The following WIPF1 variants were observed in gnomAD, a reference collection of about 807,000 sequenced individuals.
WIPF1 encodes the protein WAS/WASL interacting protein family member 1.
WIPF1 carries 13 observed loss-of-function variants against 35.4 expected under a neutral mutation model. The ratio of observed to expected loss-of-function variants is 0.37; its 90% CI spans 0.24 to 0.58. The LOEUF is 0.58. WIPF1 is among the 20% of genes least tolerant of loss of function. WIPF1 has a pLI of 0.74. For missense variants in WIPF1, 591 were observed against 667.0 expected (o/e 0.89, Z 1.25); for synonymous variants, 267 against 266.3 (o/e 1.00, Z -0.02).
chr2:174,571,288 C>T lies in WIPF1; in HGVS notation c.1129+388G>A, dbSNP rs1684823261. ...AGAACTTCCCCTCTTGTTGGAATAA[C>T]AGAGCCCTCCTGCGGGAGGTGGGGA... On this transcript the variant is annotated intron_variant, in intron 5 of 7. Coordinates refer to ENST00000679041, the MANE Select transcript of WIPF1 (RefSeq NM_001375834.1). This position sits in a 1 kb window ranked among gnomAD's most constrained non-coding sequence, Gnocchi z 4.6. 2 of 448,044 alleles carry T rather than the reference C, an allele frequency of 4.5e-6. No individual in the cohort carries two copies. The highest frequency in any genetic ancestry group is 4.1e-5 in the Admixed American group (1 of 24,576). The allele number at this position is 448,044 out of a possible 1,614,324, so 27.8% of individuals were successfully genotyped here.
chr2:174,616,796 C>A (rs531683979), intron 1 of WIPF1, among the ~76,000 whole-genome samples: 1 of 152,206 alleles, frequency 6.6e-6, no homozygotes, highest in African/African-American at 2.4e-5. Context: ...TTTTTATTTT[C>A]AAATAACTTT....
chr2:174,591,842 A>C (rs142762385), intron 1 of WIPF1, among the ~76,000 whole-genome samples: 70 of 152,332 alleles, frequency 4.6e-4, no homozygotes, highest in African/African-American at 1.6e-3. Context: ...CACTGATCCC[A>C]GATCAACTAG....
At chr2:174,627,622 C>T (rs968696898) in intron 1 of WIPF1, among the ~76,000 whole-genome samples, 1 of 151,674 alleles carries the variant, frequency 6.6e-6, no homozygotes, top group Non-Finnish European at 1.5e-5. Context: ...CTCACTGCAG[C>T]CTTGACCTTG....
chr2:174,585,709 C>T (rs181882504), intron 1 of WIPF1, 98 bp from the exon 2 acceptor site: 327 of 831,648 alleles, frequency 3.9e-4, no homozygotes, highest in Middle Eastern at 2.9e-4. Context: ...CTCCACCTAG[C>T]TCAACTCTTA....
Position 174,562,174 on chromosome 2 carries a change from G to C in WIPF1, c.*373C>G, listed in dbSNP as rs771280063. 2.6e-6 allele frequency: 4 copies of C among 1,550,442 alleles called. No individual in the cohort carries two copies. In the South Asian group the frequency reaches 4.8e-5, roughly 18 times the overall value. On this transcript the variant is annotated 3_prime_UTR_variant, in exon 8 of 8. Transcript: ENST00000679041. ...GAGGCCAAGCATGCGAAAAAGGAAC[G>C]GGAGAAAACAGCTCTCAGGGACTTT... is the stretch of plus-strand genomic sequence containing the variant.
chr2:174,570,052 T>C (rs1034265824), intron 5 of WIPF1, among the ~76,000 whole-genome samples: 1 of 152,192 alleles, frequency 6.6e-6, no homozygotes, highest in Admixed American at 6.6e-5. Context: ...AATACAGAGA[T>C]GTGTACACAT....
In WIPF1 at chr2:174,585,631, A is replaced by T; in HGVS notation, c.-38-20T>A. On this transcript the variant is annotated intron_variant, in intron 1 of 7. Coordinates refer to ENST00000679041, the MANE Select transcript of WIPF1 (RefSeq NM_001375834.1). Reference sequence around the variant, plus strand: ...ATAAATCTGGAAAAACAAGAATGCGATCATGTATTAGATGTAATCTTAGTA... The same window carrying T: ...ATAAATCTGGAAAAACAAGAATGCGTTCATGTATTAGATGTAATCTTAGTA... The T allele has an allele frequency of 6.6e-7, 1 of 1,519,948 alleles. No individual in the cohort carries two copies. The allele number at this position is 1,519,948 out of a possible 1,614,324, so 94.2% of individuals were successfully genotyped here. A position where few individuals can be genotyped will look rare whatever the true frequency, so the allele number is the denominator to read the frequency against.
At chr2:174,598,297 T>C (rs1221180533), upstream of WIPF1, 1 of 152,058 alleles carries the variant, frequency 6.6e-6, no homozygotes, top group Non-Finnish European at 1.5e-5. Flanking sequence ...TGAGGTTCTT[T>C]TTTTGGTTTT....
At chr2:174,606,581 A>G (rs1042678309) in intron 1 of WIPF1, among the ~76,000 whole-genome samples, 1 of 152,140 alleles carries the variant, frequency 6.6e-6, no homozygotes, top group Non-Finnish European at 1.5e-5. Context: ...ATGTTCAATC[A>G]ATGTCAGTCC....
chr2:174,596,890 A>C (rs1488811600), intron 1 of WIPF1, among the ~76,000 whole-genome samples: 1 of 152,224 alleles, frequency 6.6e-6, no homozygotes, highest in Non-Finnish European at 1.5e-5. Flanking sequence ...TTTTAATGTA[A>C]AAAGTTTCCT....
exon 1 of WIPF1, chr2:174,682,791 C>G (rs1393121926): frequency 2.0e-5 from 3 of 151,636 alleles, no homozygotes; most frequent in African/African-American, 4.8e-5. Flanking sequence ...CGGCTCCGGA[C>G]GACTCCGCAG....
At chr2:174,654,786 A>C (rs1687608098) in intron 1 of WIPF1, among the ~76,000 whole-genome samples, 1 of 152,074 alleles carries the variant, frequency 6.6e-6, no homozygotes, top group African/African-American at 2.4e-5. Context: ...TGCTCTCTGC[A>C]ACCCACCAAC....
intron 1 of WIPF1, among the ~76,000 whole-genome samples, chr2:174,607,320 G>A (rs1686200336): frequency 6.6e-6 from 1 of 152,008 alleles, no homozygotes; most frequent in Non-Finnish European, 1.5e-5. Flanking sequence ...GGAGAATGGA[G>A]TGAACCCAGG....
chr2:174,579,942 A>T (rs549126830), intron 3 of WIPF1, among the ~76,000 whole-genome samples: 1 of 152,058 alleles, frequency 6.6e-6, no homozygotes, highest in East Asian at 1.9e-4. Flanking sequence ...GTCAAGAGTT[A>T]AATACCTTAG....
In WIPF1 at chr2:174,562,132, T is replaced by C; in HGVS notation, c.*415A>G. The C allele has an allele frequency of 6.4e-7, 1 of 1,550,556 alleles. No homozygotes were observed. Among genetic ancestry groups the C allele is most frequent in the South Asian group, 1.2e-5 (1 of 84,060 alleles). ...AGCAGCTTGCTTAGGTGGTCTGTGG[T>C]TCATAGAAACAGAGAGGAGGCCAAG... is the stretch of plus-strand genomic sequence containing the variant. On this transcript the variant is annotated 3_prime_UTR_variant, in exon 8 of 8. Transcript: ENST00000679041.
intron 1 of WIPF1, among the ~76,000 whole-genome samples, chr2:174,616,969 A>ATT (rs112914331): frequency 2.0e-5 from 3 of 149,712 alleles, no homozygotes; most frequent in African/African-American, 7.4e-5. Context: ...GATTTATTTG[A>ATT]TTTTTTTTTC....
At chr2:174,593,023 C>CT (rs988287397) in intron 1 of WIPF1, among the ~76,000 whole-genome samples, 1 of 150,502 alleles carries the variant, frequency 6.6e-6, no homozygotes, top group South Asian at 2.1e-4. Flanking sequence ...TTCAAGATTT[C>CT]TTTTTTTTCT....
intron 7 of WIPF1, among the ~76,000 whole-genome samples, chr2:174,563,113 T>C (rs1324290034): frequency 6.6e-6 from 1 of 152,212 alleles, no homozygotes; most frequent in Non-Finnish European, 1.5e-5. Context: ...CAATTCCCTT[T>C]TGTTGGGCAT....
intron 3 of WIPF1, among the ~76,000 whole-genome samples, chr2:174,576,450 T>C (rs1173642042): frequency 6.6e-6 from 1 of 152,220 alleles, no homozygotes; most frequent in African/African-American, 2.4e-5. Flanking sequence ...AGAACATGAA[T>C]GTATTACATT....
Sources: gnomAD v4.1 joint callset for allele counts (sites outside exome capture counted in the v4.1 genomes callset) on GRCh38, gnomAD v4.1.1 for gene constraint, Gnocchi (gnomAD v3.1) non-coding constraint, MANE v1.5 for transcripts, NCBI Gene and HGNC (gene_info 2026-07-23, HGNC 2026-07-21) for gene names.